Variants in NPHP4 observed in about 807,000 individuals in gnomAD.
The protein encoded by NPHP4 is nephrocystin 4, also known as nephrocystin-4.
In NPHP4, 151 loss-of-function variants were observed where a neutral mutation model predicts 155.8. The ratio of observed to expected loss-of-function variants is 0.97; its 90% CI spans 0.85 to 1.11. The LOEUF (loss-of-function observed/expected upper bound fraction) is 1.11. NPHP4 is among the 50% of genes least tolerant of loss of function. NPHP4 has a pLI of 0.00. For synonymous variants in NPHP4, 845 were observed against 816.8 expected (o/e 1.03, Z -0.59); for missense variants, 1,956 against 1,925.7 (o/e 1.02, Z -0.29).
rs1320692800 is a variant in NPHP4 at position 5,961,787 on chromosome 1, C to T, written c.673+7G>A. On this transcript the variant is annotated splice_region_variant and intron_variant, in intron 6 of 29. Transcript: ENST00000378156. ...CACCAAGTGGAGAGAATCAAAGACG[C>T]CCTTACCGGATTCTCCATGAGCTGG... The T allele has an allele frequency of 5.0e-6, 8 of 1,608,968 alleles. No homozygotes were observed. The highest frequency in any genetic ancestry group is 6.8e-6 in the Non-Finnish European group (8 of 1,177,606).
At chr1:5,963,228 C>T (rs1210138377) in intron 5 of NPHP4, among the ~76,000 whole-genome samples, 3 of 152,156 alleles carry the variant, frequency 2.0e-5, no homozygotes, top group Admixed American at 6.5e-5. Flanking sequence ...GACCCCATCT[C>T]TACTAAAAAT....
intron 2 of NPHP4, among the ~76,000 whole-genome samples, chr1:5,979,062 G>A (rs879305414): frequency 1.3e-5 from 2 of 149,464 alleles, no homozygotes; most frequent in Non-Finnish European, 2.9e-5. Flanking sequence ...GCGGCAGCCA[G>A]AGTGTAGACA....
Position 5,867,097 on chromosome 1 carries a change from A to G in NPHP4, c.3491T>C (p.Leu1164Pro). The change falls in exon 25 of 30, where the codon CTT becomes CCT. Residue 1164 changes from leucine to proline, a missense_variant. Coordinates refer to ENST00000378156, the MANE Select transcript of NPHP4 (RefSeq NM_015102.5). The surrounding 1 kb of genome is among the most constrained non-coding windows in gnomAD (Gnocchi z 4.1). ...AACATGGACTGGGGGGTCCTCACCAAGCATTCCCACCGGAGCACCTGGAGC... is the reference window on the plus strand; with the variant it reads ...AACATGGACTGGGGGGTCCTCACCAGGCATTCCCACCGGAGCACCTGGAGC... ...HTFPGAPVGM[L>P]GEDPPVHVRC... 1 of 1,612,630 alleles carries G rather than the reference A, an allele frequency of 6.2e-7. No individual in the cohort carries two copies. The highest frequency in any genetic ancestry group is 8.5e-7 in the Non-Finnish European group (1 of 1,179,368).
chr1:5,911,959 T>C (rs928260940), intron 11 of NPHP4, among the ~76,000 whole-genome samples: 2 of 152,090 alleles, frequency 1.3e-5, no homozygotes, highest in Non-Finnish European at 2.9e-5. Context: ...TTCCGCCACA[T>C]AACAGGACTT....
chr1:5,947,364 A>G (rs1261589652), intron 8 of NPHP4, 134 bp from the exon 9 acceptor site: 1 of 814,238 alleles, frequency 1.2e-6, no homozygotes, highest in Non-Finnish European at 2.0e-6. Flanking sequence ...CAGCAAGTCC[A>G]CCATGTAACA....
chr1:5,869,251 A>ACG (rs1395776144), intron 23 of NPHP4, among the ~76,000 whole-genome samples: 26,938 of 150,142 alleles, frequency 0.18, 2,469 homozygotes, highest in South Asian at 0.26. Context: ...ACACACACAC[A>ACG]CATGCACACC....
Position 5,947,102 on chromosome 1 carries a change from A to T in NPHP4, c.1119+2T>A, listed in dbSNP as rs766929393. On this transcript the variant is annotated splice_donor_variant, in intron 9 of 29. Transcript: ENST00000378156. LOFTEE classifies it high-confidence loss of function. ...AACCGAGTGCAAAAGGGCTGTTCTT[A>T]CATTGCCGTCCACTCCTGCAGGGCT... is the stretch of plus-strand genomic sequence containing the variant. The T allele has an allele frequency of 6.2e-7, 1 of 1,613,970 alleles. No homozygotes were observed. Among genetic ancestry groups the T allele is most frequent in the Non-Finnish European group, 8.5e-7 (1 of 1,179,846 alleles).
chr1:5,864,460 C>CAACAT lies in NPHP4; in HGVS notation c.3869_3873dup (p.Gly1292MetfsTer4). 1 of 1,605,614 alleles carries CAACAT rather than the reference C, an allele frequency of 6.2e-7. No individual in the cohort carries two copies. The highest frequency in any genetic ancestry group is 2.3e-5 in the East Asian group (1 of 44,438). ...CTGCCGGCCCTAAGGGGCCTCACGC[C>CAACAT]AACATGCAGGTCCTGCACCCCACGA... On this transcript the variant is annotated frameshift_variant, in exon 28 of 30. Coordinates refer to ENST00000378156, the MANE Select transcript of NPHP4 (RefSeq NM_015102.5). LOFTEE classifies it high-confidence loss of function.
intron 28 of NPHP4, 85 bp from the exon 29 acceptor site, chr1:5,864,118 TGTGCACC>T: frequency 6.8e-7 from 1 of 1,464,690 alleles, no homozygotes; most frequent in Non-Finnish European, 9.4e-7. Context: ...CTGAGTCTCC[TGTGCACC>T]GTGCACGGGG....
chr1:5,896,543 G>C (rs1644403988), intron 16 of NPHP4, among the ~76,000 whole-genome samples: 1 of 152,124 alleles, frequency 6.6e-6, no homozygotes, highest in Admixed American at 6.5e-5. Flanking sequence ...AGATAAATAA[G>C]TAAATACATG....
intron 1 of NPHP4, among the ~76,000 whole-genome samples, chr1:5,991,276 AC>A (rs34819449): frequency 0.38 from 57,385 of 151,918 alleles, 11,724 homozygotes; most frequent in East Asian, 0.75. Flanking sequence ...CAAGCTCGCT[AC>A]CCCCATAGAA....
At chr1:5,863,854 C>T (rs1008789180) in intron 29 of NPHP4, 36 bp downstream of exon 29, 1 of 1,612,040 alleles carries the variant, frequency 6.2e-7, no homozygotes, top group South Asian at 1.1e-5. Context: ...GTCCCCGGGT[C>T]TTCCCCTAGG....
Position 5,910,979 on chromosome 1 carries a change from T to C in NPHP4, c.1442-1766A>G, listed in dbSNP as rs1157578636. 2.6e-5 allele frequency among the ~76,000 whole-genome samples: 4 copies of C among 152,310 alleles called. No individual in the cohort carries two copies. The East Asian group carries it at 7.7e-4, about 29-fold the overall frequency. Reference sequence around the variant, plus strand: ...CCAACTACCTCCTGGGCAGCGCCCATTTGGCCCGCGCAGCTCCTCTGTAAC... The same window carrying C: ...CCAACTACCTCCTGGGCAGCGCCCACTTGGCCCGCGCAGCTCCTCTGTAAC... On this transcript the variant is annotated intron_variant, in intron 11 of 29. Coordinates refer to ENST00000378156, the MANE Select transcript of NPHP4 (RefSeq NM_015102.5). The surrounding 1 kb of genome is among the most constrained non-coding windows in gnomAD (Gnocchi z 5.4).
chr1:5,966,890 C>T lies in NPHP4; in HGVS notation c.517+409G>A, dbSNP rs542254483. Among the ~76,000 whole-genome samples, 52 of 152,346 alleles carry T rather than the reference C, an allele frequency of 3.4e-4. No homozygotes were observed. The East Asian group carries it at 7.5e-3, about 22-fold the overall frequency. Reference sequence around the variant, plus strand: ...CACTGAGGAACAGCAGGAAGCTCCCCGCCGACCCCTGCTCTGCTCTAAGGC... The same window carrying T: ...CACTGAGGAACAGCAGGAAGCTCCCTGCCGACCCCTGCTCTGCTCTAAGGC... On this transcript the variant is annotated intron_variant, in intron 5 of 29. Coordinates refer to ENST00000378156, the MANE Select transcript of NPHP4 (RefSeq NM_015102.5).
At chr1:5,966,985 G>A (rs1484856297) in intron 5 of NPHP4, among the ~76,000 whole-genome samples, 1 of 152,262 alleles carries the variant, frequency 6.6e-6, no homozygotes, top group East Asian at 1.9e-4. Context: ...GTTTGAGACA[G>A]CCGGTGGCTG....
At chr1:5,930,107 T>G (rs1323460140) in intron 10 of NPHP4, among the ~76,000 whole-genome samples, 2 of 152,186 alleles carry the variant, frequency 1.3e-5, no homozygotes, top group African/African-American at 4.8e-5. Context: ...TAGTATTCCC[T>G]TATTATCCTT....
rs61213430 is a variant in NPHP4 at position 5,960,479 on chromosome 1, T to A, written c.673+1315A>T. Among the ~76,000 whole-genome samples, 1,149 of 152,126 alleles carry A rather than the reference T, an allele frequency of 7.6e-3. 13 individuals carry two copies. The highest frequency in any genetic ancestry group is 0.026 in the African/African-American group (1,064 of 41,488). ...CCGGAGCCGAGCTGCATCCTTTTCT[T>A]CAGGGTCCAGAATGAGCCAAACTCT... is the stretch of plus-strand genomic sequence containing the variant. On this transcript the variant is annotated intron_variant, in intron 6 of 29. Transcript: ENST00000378156.
chr1:5,865,473 C>T (rs1056484534), intron 26 of NPHP4, 200 bp from the exon 27 acceptor site: 8 of 490,726 alleles, frequency 1.6e-5, no homozygotes, highest in Non-Finnish European at 1.8e-5. Flanking sequence ...AGAGCTAGGG[C>T]CTGGTGGCTC....
In NPHP4 at chr1:5,960,046, G is replaced by A. The variant is rs150467626; in HGVS notation, c.673+1748C>T. ...AACAGGGGCCAGAAGGACAAGCCAC[G>A]GACCAGGTCTCAGAGCCAGACACAG... is the stretch of plus-strand genomic sequence containing the variant. On this transcript the variant is annotated intron_variant, in intron 6 of 29. Coordinates refer to ENST00000378156, the MANE Select transcript of NPHP4 (RefSeq NM_015102.5). 6.3e-3 allele frequency among the ~76,000 whole-genome samples: 954 copies of A among 152,314 alleles called. 12 individuals carry two copies. Among genetic ancestry groups the A allele is most frequent in the African/African-American group, 0.022 (912 of 41,562 alleles).
Sources: allele counts gnomAD v4.1 joint callset (sites outside exome capture counted in the v4.1 genomes callset), GRCh38; gene constraint gnomAD v4.1.1; non-coding constraint Gnocchi (gnomAD v3.1); transcripts MANE v1.5; gene names NCBI Gene and HGNC (gene_info 2026-07-23, HGNC 2026-07-21).